DACH2: variants seen among roughly 807,000 people sequenced by gnomAD.
The protein encoded by DACH2 is dachshund homolog 2.
A neutral mutation model predicts 35.8 loss-of-function variants in DACH2; 17 were observed. The observed-to-expected ratio is 0.48, with a 90% confidence interval of 0.33 to 0.71. The LOEUF (loss-of-function observed/expected upper bound fraction) is 0.71. Among genes scored for constraint, DACH2 ranks in the 30% least tolerant of loss-of-function variants. The pLI is 0.02. For synonymous variants in DACH2, 195 were observed against 177.3 expected, an observed-to-expected ratio of 1.10 and a Z score of -0.79; for missense variants, 469 against 472.7, an observed-to-expected ratio of 0.99 and a Z score of 0.07.
intron 1 of DACH2, among the ~76,000 whole-genome samples, chrX:86,315,078 C>G (rs1210158452): frequency 2.7e-5 from 3 of 111,965 alleles, no homozygotes; most frequent in South Asian, 3.7e-4. Context: ...TGCCAGGCTT[C>G]AAAACGTCAA....
intron 2 of DACH2, among the ~76,000 whole-genome samples, chrX:86,410,134 T>C (rs2036587263): frequency 8.9e-6 from 1 of 112,270 alleles, no homozygotes; most frequent in African/African-American, 3.2e-5. Context: ...ACTTGCACCG[T>C]TAATAGCAAA....
intron 3 of DACH2, among the ~76,000 whole-genome samples, chrX:86,514,840 T>C (rs769201207): frequency 5.4e-5 from 6 of 111,330 alleles, no homozygotes; most frequent in Admixed American, 9.6e-5. Flanking sequence ...GCATCCTTGG[T>C]ATAGGAGCCT....
intron 2 of DACH2, among the ~76,000 whole-genome samples, chrX:86,404,699 G>T (rs940727717): frequency 8.9e-6 from 1 of 111,806 alleles, no homozygotes; most frequent in Non-Finnish European, 1.9e-5. Context: ...TCTGGAGAAT[G>T]GTGTCCCTCT....
intron 7 of DACH2, among the ~76,000 whole-genome samples, chrX:86,750,853 G>T: frequency 9.0e-6 from 1 of 111,384 alleles, no homozygotes; most frequent in Middle Eastern, 4.7e-3. Flanking sequence ...GTTGGCATTT[G>T]GGTTATTTCC....
chrX:86,814,281 G>A (rs2042423870), intron 9 of DACH2, among the ~76,000 whole-genome samples: 1 of 112,005 alleles, frequency 8.9e-6, no homozygotes, highest in Non-Finnish European at 1.9e-5. Flanking sequence ...TTATTTTTGC[G>A]TTTTGAAATA....
At chrX:86,479,499 C>G (rs1398719616) in intron 2 of DACH2, among the ~76,000 whole-genome samples, 1 of 111,554 alleles carries the variant, frequency 9.0e-6, no homozygotes, top group Non-Finnish European at 1.9e-5. Context: ...CTATCTTATA[C>G]TTGAATGTTG....
chrX:86,809,891 CTGTCTCTATG>C (rs2042378914), intron 7 of DACH2, among the ~76,000 whole-genome samples: 1 of 111,067 alleles, frequency 9.0e-6, no homozygotes, highest in African/African-American at 3.3e-5. Context: ...GATCCGTGTG[CTGTCTCTATG>C]TGTCTCTCTT....
intron 2 of DACH2, among the ~76,000 whole-genome samples, chrX:86,422,093 T>C (rs1260084830): frequency 9.0e-6 from 1 of 111,248 alleles, no homozygotes; most frequent in African/African-American, 3.3e-5. Flanking sequence ...TGTGTAAATA[T>C]AGTTCATTGT....
chrX:86,340,790 G>A (rs1334535842), intron 1 of DACH2, among the ~76,000 whole-genome samples: 1 of 112,142 alleles, frequency 8.9e-6, no homozygotes, highest in Non-Finnish European at 1.9e-5. Flanking sequence ...AAGTGAAACA[G>A]CCGTTTGCTG....
intron 1 of DACH2, among the ~76,000 whole-genome samples, chrX:86,305,889 A>G (rs746388653): frequency 8.9e-5 from 10 of 111,986 alleles, no homozygotes; most frequent in Non-Finnish European, 1.7e-4. Flanking sequence ...CAAAACCACA[A>G]TGAGATGTCA....
In DACH2 at chrX:86,359,084, C is replaced by CTTGT. The variant is rs200413091; in HGVS notation, c.489-17740_489-17739insTTGT. 5.7e-4 allele frequency among the ~76,000 whole-genome samples: 56 copies of CTTGT among 98,516 alleles called. 1 individual carries two copies. The highest frequency in any genetic ancestry group is 2.8e-3 in the Admixed American group (25 of 8,950). 85.5% of individuals were successfully genotyped at this position (98,516 alleles called of 115,157 possible). On this transcript the variant is annotated intron_variant, in intron 1 of 11. Coordinates refer to ENST00000373125, the MANE Select transcript of DACH2 (RefSeq NM_053281.3). ...GAGAAATAGAACCATTATATTTTGT[C>CTTGT]GTGTGTGTGTGTGTGTGTGTGTGTG...
chrX:86,810,467 T>C (rs1324067110), intron 7 of DACH2, among the ~76,000 whole-genome samples: 1 of 112,032 alleles, frequency 8.9e-6, no homozygotes, highest in African/African-American at 3.2e-5. Context: ...CATTTTATAA[T>C]AGTAGCTTTT....
intron 1 of DACH2, among the ~76,000 whole-genome samples, chrX:86,167,349 G>T (rs1160651408): frequency 2.7e-5 from 3 of 110,889 alleles, no homozygotes; most frequent in Non-Finnish European, 5.7e-5. Context: ...CCATATAGTT[G>T]CTCATAGTAG....
intron 7 of DACH2, among the ~76,000 whole-genome samples, chrX:86,802,015 T>G (rs1259820785): frequency 1.8e-5 from 2 of 112,234 alleles, no homozygotes; most frequent in Non-Finnish European, 3.8e-5. Context: ...TTCTTGAAGC[T>G]TTGGCAATAC....
intron 1 of DACH2, among the ~76,000 whole-genome samples, chrX:86,372,082 A>G: frequency 9.0e-6 from 1 of 111,242 alleles, no homozygotes; most frequent in Non-Finnish European, 1.9e-5. Flanking sequence ...GAACATTTTT[A>G]TCGATCTTTT....
At chrX:86,500,696 G>A (rs952371864) in intron 2 of DACH2, among the ~76,000 whole-genome samples, 10 of 111,533 alleles carry the variant, frequency 9.0e-5, no homozygotes, top group African/African-American at 1.3e-4. Flanking sequence ...ATTAGCAAAA[G>A]GGAAGCACCT....
At chrX:86,619,078 A>G (rs921179038) in intron 3 of DACH2, among the ~76,000 whole-genome samples, 4 of 112,123 alleles carry the variant, frequency 3.6e-5, no homozygotes, top group South Asian at 3.6e-4. Flanking sequence ...AATTTTGCCA[A>G]TTGGAATTTT....
chrX:86,299,319 A>G (rs746912524), intron 1 of DACH2, among the ~76,000 whole-genome samples: 4 of 111,529 alleles, frequency 3.6e-5, no homozygotes, highest in African/African-American at 1.3e-4. Flanking sequence ...TTACACTGTG[A>G]TGCAGTTCTC....
chrX:86,795,512 C>A (rs997775545), intron 7 of DACH2, among the ~76,000 whole-genome samples: 1 of 111,895 alleles, frequency 8.9e-6, no homozygotes, highest in Non-Finnish European at 1.9e-5. Context: ...GGATTACAGG[C>A]GTTAGCCACC....
Sources: allele counts gnomAD v4.1 joint callset (sites outside exome capture counted in the v4.1 genomes callset), GRCh38; gene constraint gnomAD v4.1.1; transcripts MANE v1.5; gene names NCBI Gene and HGNC (gene_info 2026-07-23, HGNC 2026-07-21).